TDRKH: variants seen among roughly 807,000 people sequenced by gnomAD.
TDRKH encodes tudor and KH domain containing.
TDRKH carries 28 observed loss-of-function variants against 61.3 expected under a neutral mutation model. That is an observed-to-expected ratio of 0.46 (90% CI 0.34 to 0.63). TDRKH has a LOEUF of 0.63. Among genes scored for constraint, TDRKH ranks in the 20% least tolerant of loss-of-function variants. TDRKH has a pLI of 0.01. For synonymous variants in TDRKH, 219 were observed against 244.4 expected, an observed-to-expected ratio of 0.90 and a Z score of 0.97; for missense variants, 540 against 683.4, an observed-to-expected ratio of 0.79 and a Z score of 2.34.
intron 1 of TDRKH, among the ~76,000 whole-genome samples, chr1:151,787,844 C>T (rs1650487098): frequency 7.5e-6 from 1 of 133,646 alleles, no homozygotes; most frequent in Non-Finnish European, 1.5e-5. Flanking sequence ...AAAAAATTAG[C>T]TAGGCGTGGT....
At chr1:151,767,160 C>A, downstream of TDRKH, 2 of 1,613,660 alleles carry the variant, frequency 1.2e-6, no homozygotes, top group East Asian at 4.5e-5. Context: ...CTTTCCCAAC[C>A]AGCATCACTT....
rs1332409267 is a variant in TDRKH at position 151,775,389 on chromosome 1, T to TA, written c.1434+2dup. ...GCAAGCAGTGAGTGAATGCCAGTCT[T>TA]ACCTTCCCATTGCTAGTATCATATA... On this transcript the variant is annotated splice_region_variant and intron_variant, in intron 10 of 12. Coordinates refer to ENST00000368824, the MANE Select transcript of TDRKH (RefSeq NM_001083965.2). The TA allele has an allele frequency of 2.5e-6, 4 of 1,609,204 alleles. No homozygotes were observed. The highest frequency in any genetic ancestry group is 3.4e-6 in the Non-Finnish European group (4 of 1,178,322).
downstream of TDRKH, chr1:151,766,535 T>A: frequency 1.6e-6 from 1 of 621,388 alleles, no homozygotes; most frequent in Non-Finnish European, 2.8e-6. Flanking sequence ...TGCATACTAG[T>A]CGAATATGAG....
downstream of TDRKH, among the ~76,000 whole-genome samples, chr1:151,768,637 G>A (rs1390060871): frequency 2.0e-5 from 3 of 152,198 alleles, no homozygotes; most frequent in East Asian, 5.8e-4. Context: ...GCTCCAAGTA[G>A]GTGTCTTTCT....
At chr1:151,789,374 T>C (rs976489092) in intron 1 of TDRKH, among the ~76,000 whole-genome samples, 3 of 152,212 alleles carry the variant, frequency 2.0e-5, no homozygotes, top group Non-Finnish European at 4.4e-5. Flanking sequence ...TGGAAAATAA[T>C]ATAATGTAAA....
chr1:151,772,045 T>A (rs1416496672), downstream of TDRKH: 2 of 398,462 alleles, frequency 5.0e-6, no homozygotes, highest in Non-Finnish European at 4.4e-6. Flanking sequence ...CCTGAACTAC[T>A]CACCAGAACT....
At chr1:151,771,816 A>G, downstream of TDRKH, 1 of 397,592 alleles carries the variant, frequency 2.5e-6, no homozygotes, top group Non-Finnish European at 4.4e-6. Flanking sequence ...AGACTTTTAT[A>G]CATAGTAACA....
At chr1:151,770,086 AGAG>A (rs1648604159), downstream of TDRKH, 4 of 1,448,448 alleles carry the variant, frequency 2.8e-6, no homozygotes, top group Non-Finnish European at 3.7e-6. Context: ...AGAGAGAGGG[AGAG>A]GGAGACCATG....
intron 4 of TDRKH, 21 bp downstream of exon 4, chr1:151,779,930 G>A: frequency 6.3e-7 from 1 of 1,595,478 alleles, no homozygotes; most frequent in Non-Finnish European, 8.6e-7. Context: ...GGAAACAATA[G>A]AGGAAGCCAT....
chr1:151,766,770 AAG>A, downstream of TDRKH: 2 of 1,567,748 alleles, frequency 1.3e-6, no homozygotes, highest in Non-Finnish European at 1.7e-6. Context: ...TTCTTATATC[AAG>A]AGGGGAAAAA....
chr1:151,788,917 T>A (rs1324242622), intron 1 of TDRKH, among the ~76,000 whole-genome samples: 2 of 152,234 alleles, frequency 1.3e-5, no homozygotes, highest in African/African-American at 4.8e-5. Flanking sequence ...CATGCCATGC[T>A]TGTCATTCTT....
intron 2 of TDRKH, among the ~76,000 whole-genome samples, chr1:151,782,217 CT>C (rs775404928): frequency 1.3e-5 from 2 of 152,160 alleles, no homozygotes; most frequent in Non-Finnish European, 2.9e-5. Context: ...AATCTCAGCA[CT>C]TTGGGAGGCC....
In TDRKH at chr1:151,783,069, G is replaced by T; in HGVS notation, c.-27-20C>A. Reference sequence around the variant, plus strand: ...TATATCCTGAAACAAGCAAAGCAGGGAAAAGAGGGAGGTTTCATCCAATCC... The same window carrying T: ...TATATCCTGAAACAAGCAAAGCAGGTAAAAGAGGGAGGTTTCATCCAATCC... On this transcript the variant is annotated intron_variant, in intron 1 of 12. Coordinates refer to ENST00000368824, the MANE Select transcript of TDRKH (RefSeq NM_001083965.2). 1 of 1,594,446 alleles carries T rather than the reference G, an allele frequency of 6.3e-7. No individual in the cohort carries two copies. The highest frequency in any genetic ancestry group is 1.1e-5 in the South Asian group (1 of 87,786).
At chr1:151,781,327 AAAT>A (rs1027410595) in intron 3 of TDRKH, among the ~76,000 whole-genome samples, 151 bp downstream of exon 3, 4 of 59,130 alleles carry the variant, frequency 6.8e-5, no homozygotes, top group African/African-American at 9.6e-5. Context: ...CAAAAAAAAA[AAAT>A]ATATATATAT....
At position 151,773,822 on chromosome 1, in the gene TDRKH, T is replaced by C. The variant is rs1648894999; in HGVS notation, c.*630A>G. On this transcript the variant is annotated 3_prime_UTR_variant, in exon 13 of 13. Coordinates refer to ENST00000368824, the MANE Select transcript of TDRKH (RefSeq NM_001083965.2). ...TGCCTCCTGATTCAACTGGAGTCTT[T>C]GAGTTCACCACTCAAAAGCTTTCCT... The C allele has an allele frequency of 2.0e-5, 3 of 152,216 alleles. No individual in the cohort carries two copies. Among genetic ancestry groups the C allele is most frequent in the Admixed American group, 2.0e-4 (3 of 15,286 alleles). 9.4% of individuals were successfully genotyped at this position (152,216 alleles called of 1,614,324 possible).
downstream of TDRKH, among the ~76,000 whole-genome samples, chr1:151,768,408 T>A (rs1648448281): frequency 6.6e-6 from 1 of 152,134 alleles, no homozygotes; most frequent in African/African-American, 2.4e-5. Context: ...TAAGAGTCCA[T>A]GGGAAGCTGG....
At chr1:151,770,540 T>C (rs141940696), downstream of TDRKH, 89 of 367,362 alleles carry the variant, frequency 2.4e-4, no homozygotes, top group African/African-American at 1.8e-3. Context: ...CAGGACAAAA[T>C]GGATCTCAAA....
intron 5 of TDRKH, 31 bp from the exon 6 acceptor site, chr1:151,779,037 T>C: frequency 6.2e-7 from 1 of 1,611,930 alleles, no homozygotes; most frequent in Non-Finnish European, 8.5e-7. Flanking sequence ...GATGATATTC[T>C]GACCTGGGAT....
In TDRKH at chr1:151,774,719, T is replaced by C. The variant is rs758927425; in HGVS notation, c.1624A>G (p.Ser542Gly). The change falls in exon 12 of 13, where the codon AGC becomes GGC. Residue 542 changes from serine to glycine, a missense_variant. Physicochemically the swap from Ser to Gly is moderately conservative, Grantham distance 56 (BLOSUM62 0). This residue lies in a region of TDRKH where 379 missense variants were observed against 443.8 expected (regional missense o/e 0.85). Transcript: ENST00000368824. ...GEITHTLSCL[S>G]LSEAASMSGD... is the part of the protein sequence containing the mutation. ...GAAATACTGCTTGTACCTGATAAGC[T>C]GAGGCAGGACAGGGTATGTGTTATC... is the stretch of plus-strand genomic sequence containing the variant. 4.3e-6 allele frequency: 7 copies of C among 1,614,118 alleles called. No individual in the cohort carries two copies. In the East Asian group the frequency reaches 1.1e-4, roughly 26 times the overall value.
Sources: allele counts gnomAD v4.1 joint callset (sites outside exome capture counted in the v4.1 genomes callset), GRCh38; gene constraint gnomAD v4.1.1; regional missense constraint gnomAD v4.1.1; transcripts MANE v1.5; gene names NCBI Gene and HGNC (gene_info 2026-07-23, HGNC 2026-07-21).